ANKRD36: variants seen among roughly 807,000 people sequenced by gnomAD.
The protein encoded by ANKRD36 is ankyrin repeat domain 36.
Under a neutral mutation model 278.1 loss-of-function variants are expected in ANKRD36, and 179 were observed. The ratio of observed to expected loss-of-function variants is 0.64; its 90% CI spans 0.57 to 0.73. ANKRD36 has a LOEUF of 0.73. ANKRD36 is among the 30% of genes least tolerant of loss of function. The pLI, the probability that ANKRD36 is intolerant of heterozygous loss-of-function variation, is 0.00. For missense variants in ANKRD36, 1,159 were observed against 1,956.7 expected, an observed-to-expected ratio of 0.59 and a Z score of 7.69; for synonymous variants, 320 against 641.1, an observed-to-expected ratio of 0.50 and a Z score of 7.57.
intron 22 of ANKRD36, among the ~76,000 whole-genome samples, chr2:97,172,230 A>T (rs1559468382): frequency 6.6e-6 from 1 of 151,896 alleles, no homozygotes. Flanking sequence ...AAAAACTTGT[A>T]GAAAAGTTCA....
intron 56 of ANKRD36, among the ~76,000 whole-genome samples, chr2:97,210,418 G>A (rs2064124169): frequency 1.3e-5 from 2 of 151,816 alleles, no homozygotes; most frequent in Non-Finnish European, 2.9e-5. Context: ...CACTTCAGAT[G>A]CATTTAGAAT....
At chr2:97,166,853 A>G in intron 20 of ANKRD36, among the ~76,000 whole-genome samples, 1 of 152,192 alleles carries the variant, frequency 6.6e-6, no homozygotes. Context: ...ATCAAGAAAT[A>G]TATTTCTTAA....
rs1450533622 is a variant in ANKRD36, at chr2:97,197,262, T to G, written c.2653+474T>G. Among the ~76,000 whole-genome samples, 110 of 152,002 alleles carry G rather than the reference T, an allele frequency of 7.2e-4. 2 individuals carry two copies. Among genetic ancestry groups the G allele is most frequent in the Non-Finnish European group, 1.1e-3 (75 of 67,936 alleles). Reference sequence around the variant, plus strand: ...GAAGACGGATTGTGAGGCAGGAAGGTGTGAAAAGAGGAAGTCATTTGTATA... The same window carrying G: ...GAAGACGGATTGTGAGGCAGGAAGGGGTGAAAAGAGGAAGTCATTTGTATA... On this transcript the variant is annotated intron_variant, in intron 42 of 75. Coordinates refer to ENST00000420699, the MANE Select transcript of ANKRD36 (RefSeq NM_001354587.1).
At chr2:97,203,740 G>C (rs1274616442) in intron 48 of ANKRD36, among the ~76,000 whole-genome samples, 17 of 151,316 alleles carry the variant, frequency 1.1e-4, no homozygotes, top group African/African-American at 2.4e-4. Flanking sequence ...CATTGATTCT[G>C]ACGTGTATGA....
intron 11 of ANKRD36, among the ~76,000 whole-genome samples, 185 bp from the exon 12 acceptor site, chr2:97,149,110 T>G (rs910386114): frequency 6.6e-6 from 1 of 151,850 alleles, no homozygotes; most frequent in Non-Finnish European, 1.5e-5. Flanking sequence ...AACTGAAATG[T>G]TTTCTAAAAT....
chr2:97,178,669 G>A (rs1423299518), intron 22 of ANKRD36, among the ~76,000 whole-genome samples: 44 of 137,314 alleles, frequency 3.2e-4, no homozygotes, highest in African/African-American at 9.6e-4. Flanking sequence ...CACACTCTGG[G>A]GACTTTTGTG....
At chr2:97,229,449 A>G (rs1201973395) in intron 67 of ANKRD36, among the ~76,000 whole-genome samples, 1 of 152,096 alleles carries the variant, frequency 6.6e-6, no homozygotes, top group South Asian at 2.1e-4. Context: ...ATCAGAGACT[A>G]GGATTGCAAC....
intron 64 of ANKRD36, 146 bp from the exon 65 acceptor site, chr2:97,218,904 C>G: frequency 1.1e-5 from 14 of 1,245,110 alleles, no homozygotes; most frequent in Admixed American, 2.6e-5. Context: ...TATCATATTA[C>G]TGTCCCAAAG....
At chr2:97,159,737 A>T (rs2048367040) in intron 17 of ANKRD36, among the ~76,000 whole-genome samples, 1 of 151,074 alleles carries the variant, frequency 6.6e-6, no homozygotes, top group South Asian at 2.1e-4. Flanking sequence ...ATAATAAAAA[A>T]TAATAAAAAT....
chr2:97,207,314 A>AT (rs955046733), intron 52 of ANKRD36, among the ~76,000 whole-genome samples: 2 of 151,478 alleles, frequency 1.3e-5, no homozygotes, highest in African/African-American at 4.8e-5. Context: ...CACTGAAGAG[A>AT]TGTGAAGTGT....
chr2:97,129,900 A>C (rs1267825143), intron 6 of ANKRD36, among the ~76,000 whole-genome samples: 1 of 152,090 alleles, frequency 6.6e-6, no homozygotes, highest in Non-Finnish European at 1.5e-5. Flanking sequence ...GAAGTCAGGT[A>C]GCGTGATGCC....
intron 52 of ANKRD36, among the ~76,000 whole-genome samples, chr2:97,207,433 G>T (rs555424198): frequency 4.8e-4 from 72 of 151,558 alleles, no homozygotes; most frequent in African/African-American, 1.6e-3. Context: ...TTTATTTCCT[G>T]CATGAAAGAC....
At chr2:97,172,804 C>CCATATT (rs1290540854) in intron 22 of ANKRD36, among the ~76,000 whole-genome samples, 1 of 150,480 alleles carries the variant, frequency 6.6e-6, no homozygotes, top group Non-Finnish European at 1.5e-5. Flanking sequence ...CCCCGTAAAG[C>CCATATT]CATATTGCTC....
At chr2:97,231,569 C>T (rs1230450981) in intron 67 of ANKRD36, among the ~76,000 whole-genome samples, 1 of 152,138 alleles carries the variant, frequency 6.6e-6, no homozygotes, top group Admixed American at 6.5e-5. Flanking sequence ...AGGGAACTCC[C>T]TGACCCCTTC....
Position 97,204,201 on chromosome 2 carries a change from A to C in ANKRD36, c.2999A>C (p.Asp1000Ala), listed in dbSNP as rs536841209. The change falls in exon 50 of 76, where the codon GAT (aspartate) becomes GCT (alanine). Residue 1000 changes from aspartate to alanine, a missense_variant. Transcript: ENST00000420699. ...EKPPGLKATS[D>A]EKDSVLNIAR... ...TCAAATTCCATTCAGGCTACAAGTGATGAGAAAGATTCTGTTTTGAATATA... is the reference window on the plus strand; with the variant it reads ...TCAAATTCCATTCAGGCTACAAGTGCTGAGAAAGATTCTGTTTTGAATATA... The C allele has an allele frequency of 3.8e-5, 60 of 1,584,278 alleles. No individual in the cohort carries two copies. The African/African-American group carries it at 7.1e-4, about 19-fold the overall frequency.
At position 97,183,359 on chromosome 2, in the gene ANKRD36, G is replaced by A. The variant is rs2056701320; in HGVS notation, c.1838-100G>A. 2.1e-5 allele frequency: 29 copies of A among 1,364,520 alleles called. No homozygotes were observed. The South Asian group carries it at 2.9e-4, about 14-fold the overall frequency. The allele number at this position is 1,364,520 out of a possible 1,614,324, so 84.5% of individuals were successfully genotyped here. On this transcript the variant is annotated intron_variant, in intron 26 of 75. Transcript: ENST00000420699. ...GTAAAACATCAAATCCTACACTAGT[G>A]CAGGCAGGAGGATACAGCTTGATGC...
rs929360046 is a variant in ANKRD36 at position 97,164,441 on chromosome 2, A to T, written c.1503A>T (p.Gly501=). The stretch of plus-strand genomic sequence containing the variant: ...ATCACATTTCAACTAGATTCTTAGG[A>T]GGTATGGATTCACTAACTTCCAGTG... The part of the protein sequence containing the change: ...DRDHISTRFL[G]GMDSLTSSEE... Residue 501 remains glycine, a synonymous_variant, in exon 20 of 76, where the codon GGA becomes GGT. Transcript: ENST00000420699. The T allele has an allele frequency of 3.0e-5, 46 of 1,537,230 alleles. No homozygotes were observed. The Middle Eastern group carries it at 6.7e-4, about 22-fold the overall frequency.
At chr2:97,199,677 A>C (rs1299456852) in intron 44 of ANKRD36, among the ~76,000 whole-genome samples, 1 of 151,872 alleles carries the variant, frequency 6.6e-6, no homozygotes, top group African/African-American at 2.4e-5. Context: ...TTCGGTGCCA[A>C]GAGTGGATGA....
intron 17 of ANKRD36, among the ~76,000 whole-genome samples, chr2:97,159,207 G>T (rs2048247059): frequency 6.6e-6 from 1 of 152,000 alleles, no homozygotes; most frequent in Admixed American, 6.6e-5. Context: ...TCTTCTGAGT[G>T]ACTTACGGGT....
Sources: gnomAD v4.1 joint callset for allele counts (sites outside exome capture counted in the v4.1 genomes callset) on GRCh38, gnomAD v4.1.1 for gene constraint, MANE v1.5 for transcripts, NCBI Gene and HGNC (gene_info 2026-07-23, HGNC 2026-07-21) for gene names.